CUL1: variants seen among roughly 807,000 people sequenced by gnomAD.
The protein encoded by CUL1 is cullin-1.
CUL1 carries 24 observed loss-of-function variants against 118.0 expected under a neutral mutation model. The observed-to-expected ratio is 0.20, with a 90% confidence interval of 0.15 to 0.29. The LOEUF is 0.29. CUL1 is among the 10% of genes least tolerant of loss of function. The pLI is 1.00. For missense variants in CUL1, 361 were observed against 933.8 expected (o/e 0.39, Z 7.99); for synonymous variants, 332 against 340.4 (o/e 0.98, Z 0.27).
intron 1 of CUL1, among the ~76,000 whole-genome samples, chr7:148,729,043 C>T (rs537786099): frequency 7.9e-5 from 12 of 152,280 alleles, no homozygotes; most frequent in African/African-American, 2.6e-4. Flanking sequence ...TTTGATGTGA[C>T]GTACATAGGT....
chr7:148,714,232 T>C (rs1350890995), intron 1 of CUL1, among the ~76,000 whole-genome samples: 4 of 152,266 alleles, frequency 2.6e-5, no homozygotes, highest in Admixed American at 6.5e-5. Context: ...TTGATATATG[T>C]ACGCTGCACA....
intron 9 of CUL1, among the ~76,000 whole-genome samples, chr7:148,782,180 T>C (rs1800662154): frequency 6.6e-6 from 1 of 152,240 alleles, no homozygotes; most frequent in Non-Finnish European, 1.5e-5. Flanking sequence ...GAAAGTGATC[T>C]AAAATCTGAA....
chr7:148,789,730 C>T lies in CUL1; in HGVS notation c.1598-20C>T. The T allele has an allele frequency of 5.6e-6, 9 of 1,606,502 alleles. No homozygotes were observed. Among genetic ancestry groups the T allele is most frequent in the Non-Finnish European group, 7.7e-6 (9 of 1,173,180 alleles). ...AATGTATTCCAGAATGTTCACTCTC[C>T]CCTCTCTTCCGTCCCACAGTGGATT... On this transcript the variant is annotated intron_variant, in intron 14 of 21. Transcript: ENST00000325222.
chr7:148,714,827 G>T (rs1036875443), intron 1 of CUL1, among the ~76,000 whole-genome samples: 1 of 152,168 alleles, frequency 6.6e-6, no homozygotes, highest in Non-Finnish European at 1.5e-5. Context: ...ATGCACAGAA[G>T]TTCTGTTGTG....
chr7:148,702,440 A>G (rs1037746450), intron 1 of CUL1, among the ~76,000 whole-genome samples: 2 of 152,250 alleles, frequency 1.3e-5, no homozygotes, highest in Non-Finnish European at 2.9e-5. Flanking sequence ...AGGCCCCGAA[A>G]GTATGTGGAT....
chr7:148,768,290 C>A (rs911227621), intron 9 of CUL1, among the ~76,000 whole-genome samples: 4 of 151,316 alleles, frequency 2.6e-5, no homozygotes, highest in Non-Finnish European at 4.4e-5. Context: ...GAAATAATTG[C>A]GTTTTTAAGA....
At chr7:148,779,857 AC>A (rs1800556374) in intron 9 of CUL1, among the ~76,000 whole-genome samples, 2 of 152,118 alleles carry the variant, frequency 1.3e-5, no homozygotes, top group Admixed American at 1.3e-4. Flanking sequence ...GGAAAGGCAG[AC>A]CCACCCTCAA....
chr7:148,737,269 G>T (rs962466969), intron 2 of CUL1, among the ~76,000 whole-genome samples: 1 of 151,646 alleles, frequency 6.6e-6, no homozygotes, highest in Admixed American at 6.6e-5. Flanking sequence ...TTGATTCACG[G>T]TAATTATACT....
Position 148,729,991 on chromosome 7 carries a change from C to CAT in CUL1, c.-131_-130dup. 1 of 1,019,294 alleles carries CAT rather than the reference C, an allele frequency of 9.8e-7. No individual in the cohort carries two copies. Among genetic ancestry groups the CAT allele is most frequent in the Non-Finnish European group, 1.4e-6 (1 of 708,936 alleles). 63.1% of individuals were successfully genotyped at this position (1,019,294 alleles called of 1,614,324 possible). ...GCCTGCAATGAGATTTCATTCTCTA[C>CAT]ATTTAAAGGACATCCTTTCTGAGCT... On this transcript the variant is annotated 5_prime_UTR_variant, in exon 2 of 22. The change creates a premature stop within an existing upstream ORF in the 5' untranslated region. Coordinates refer to ENST00000325222, the MANE Select transcript of CUL1 (RefSeq NM_003592.3).
intron 1 of CUL1, among the ~76,000 whole-genome samples, chr7:148,725,248 C>CACACACACACACACACACACACA (rs3222168): frequency 1.3e-5 from 2 of 151,266 alleles, no homozygotes; most frequent in East Asian, 3.9e-4. Flanking sequence ...CACACACACA[C>CACACACACACACACACACACACA]CCGTACCCCT....
intron 1 of CUL1, 52 bp downstream of exon 1, chr7:148,699,081 G>C (rs1280503585): frequency 6.4e-6 from 1 of 155,322 alleles, no homozygotes; most frequent in Non-Finnish European, 1.4e-5. Context: ...GGCGGCGGCG[G>C]CGCAGGCCCG....
Position 148,784,091 on chromosome 7 carries a change from C to CT in CUL1, c.1298+15dup. The CT allele has an allele frequency of 1.3e-6, 2 of 1,589,778 alleles. No individual in the cohort carries two copies. The highest frequency in any genetic ancestry group is 1.7e-6 in the Non-Finnish European group (2 of 1,157,878). On this transcript the variant is annotated intron_variant, in intron 11 of 21. Transcript: ENST00000325222. ...GTTGAAGAAAAGGTATTAAATGACC[C>CT]TATGTTTTCTTAGTATGCCTGTTTA... is the stretch of plus-strand genomic sequence containing the variant.
At chr7:148,736,301 T>G (rs1299309061) in intron 2 of CUL1, among the ~76,000 whole-genome samples, 3 of 152,110 alleles carry the variant, frequency 2.0e-5, no homozygotes, top group Non-Finnish European at 2.9e-5. Flanking sequence ...AATTTAGAGA[T>G]ATATTTTTTT....
intron 1 of CUL1, among the ~76,000 whole-genome samples, chr7:148,721,745 C>T (rs930683040): frequency 6.6e-6 from 1 of 151,860 alleles, no homozygotes. Context: ...ACTCAAGACT[C>T]CAGGAATTCA....
At chr7:148,703,869 A>G (rs1489729269) in intron 1 of CUL1, among the ~76,000 whole-genome samples, 3 of 152,124 alleles carry the variant, frequency 2.0e-5, no homozygotes, top group Non-Finnish European at 4.4e-5. Context: ...CTGTCATTTT[A>G]GGGGGGTAAG....
chr7:148,773,728 CTCT>C (rs1800300893), intron 9 of CUL1, among the ~76,000 whole-genome samples: 1 of 152,234 alleles, frequency 6.6e-6, no homozygotes, highest in Non-Finnish European at 1.5e-5. Flanking sequence ...CTTCTGTCTT[CTCT>C]TCTTAGAGAC....
At chr7:148,739,224 A>G (rs1390367947) in intron 2 of CUL1, among the ~76,000 whole-genome samples, 1 of 152,204 alleles carries the variant, frequency 6.6e-6, no homozygotes, top group Non-Finnish European at 1.5e-5. Flanking sequence ...GGTGGCCTGG[A>G]CAGATCTCCC....
chr7:148,715,833 C>T (rs944804461), intron 1 of CUL1, among the ~76,000 whole-genome samples: 4 of 152,144 alleles, frequency 2.6e-5, no homozygotes, highest in Admixed American at 6.6e-5. Flanking sequence ...GGCTTCTTCT[C>T]GTAACTTATC....
chr7:148,743,662 G>GGGAGGCCAAGGCGGGCAGATCGCC (rs201531855), intron 2 of CUL1, among the ~76,000 whole-genome samples: 1 of 152,118 alleles, frequency 6.6e-6, no homozygotes, highest in South Asian at 2.1e-4. Flanking sequence ...CCAGCACATT[G>GGGAGGCCAAGGCGGGCAGATCGCC]GGAGGCCAAG....
Sources: allele counts gnomAD v4.1 joint callset (sites outside exome capture counted in the v4.1 genomes callset), GRCh38; gene constraint gnomAD v4.1.1; transcripts MANE v1.5; gene names NCBI Gene and HGNC (gene_info 2026-07-23, HGNC 2026-07-21).